The following ADAM12 variants were observed in gnomAD, a reference collection of about 807,000 sequenced individuals.
ADAM12 encodes the protein disintegrin and metalloproteinase domain-containing protein 12.
Under a neutral mutation model 106.4 loss-of-function variants are expected in ADAM12, and 70 were observed. That is an observed-to-expected ratio of 0.66 (90% CI 0.54 to 0.80). The LOEUF (loss-of-function observed/expected upper bound fraction) is 0.80, where lower values mean the gene tolerates loss of function less well. ADAM12 is among the 30% of genes least tolerant of loss of function. The pLI is 0.00. For missense variants in ADAM12, 1,010 were observed against 1,171.9 expected, an observed-to-expected ratio of 0.86 and a Z score of 2.02; for synonymous variants, 420 against 433.5, an observed-to-expected ratio of 0.97 and a Z score of 0.39.
chr10:126,338,966 A>G (rs1854820000), intron 1 of ADAM12, among the ~76,000 whole-genome samples: 1 of 152,214 alleles, frequency 6.6e-6, no homozygotes, highest in South Asian at 2.1e-4. Flanking sequence ...AGCTCCATGT[A>G]AAGGCATTCT....
chr10:126,138,195 C>A lies in ADAM12; in HGVS notation c.340-2535G>T, dbSNP rs905373111. ...ATGTGTTTATTGTCCATTTTTATGT[C>A]TTCTTTGAAGAAATGTCTACTCAAA... On this transcript the variant is annotated intron_variant, in intron 4 of 22. Coordinates refer to ENST00000448723, the MANE Select transcript of ADAM12 (RefSeq NM_001288973.2). Among the ~76,000 whole-genome samples, 3 of 152,180 alleles carry A rather than the reference C, an allele frequency of 2.0e-5. No individual in the cohort carries two copies. The East Asian group carries it at 5.8e-4, about 29-fold the overall frequency.
At chr10:126,259,563 A>T (rs1230172010) in intron 3 of ADAM12, among the ~76,000 whole-genome samples, 1 of 152,240 alleles carries the variant, frequency 6.6e-6, no homozygotes, top group Admixed American at 6.5e-5. Flanking sequence ...AAAATATTTT[A>T]CTATGGGAAA....
At chr10:126,231,321 C>T (rs1410417475) in intron 3 of ADAM12, among the ~76,000 whole-genome samples, 3 of 150,308 alleles carry the variant, frequency 2.0e-5, no homozygotes, top group Middle Eastern at 3.4e-3. Context: ...TTTATAACAA[C>T]GATGTCTTCT....
chr10:126,232,112 G>C (rs1024657471), intron 3 of ADAM12, among the ~76,000 whole-genome samples: 3 of 152,146 alleles, frequency 2.0e-5, no homozygotes, highest in African/African-American at 7.2e-5. Flanking sequence ...TGGAACCTGT[G>C]AATCTGTTAC....
intron 3 of ADAM12, among the ~76,000 whole-genome samples, chr10:126,220,389 C>A (rs1958067858): frequency 1.3e-5 from 2 of 152,154 alleles, no homozygotes; most frequent in African/African-American, 2.4e-5. Context: ...TTAGCCCTCA[C>A]CCTTAATGAG....
At chr10:126,340,239 T>C (rs1854876405) in intron 1 of ADAM12, among the ~76,000 whole-genome samples, 1 of 152,200 alleles carries the variant, frequency 6.6e-6, no homozygotes, top group African/African-American at 2.4e-5. Flanking sequence ...GCCTGAAGAA[T>C]GGATAAATGA....
rs1954570056 is a variant in ADAM12 at position 126,053,973 on chromosome 10, C to T, written c.1610-4304G>A. 6.6e-6 allele frequency among the ~76,000 whole-genome samples: 1 copy of T among 152,138 alleles called. No individual in the cohort carries two copies. The highest frequency in any genetic ancestry group is 2.4e-5 in the African/African-American group (1 of 41,446). Reference sequence around the variant, plus strand: ...TCACCCACCTCAGCCTCCCAAAATGCTGGGATTACAGGCGTGAGCCACCGT... The same window carrying T: ...TCACCCACCTCAGCCTCCCAAAATGTTGGGATTACAGGCGTGAGCCACCGT... On this transcript the variant is annotated intron_variant, in intron 14 of 22. Transcript: ENST00000448723. The surrounding 1 kb of genome is among the most constrained non-coding windows in gnomAD (Gnocchi z 4.6).
At chr10:126,371,595 T>C (rs1856116054) in intron 1 of ADAM12, among the ~76,000 whole-genome samples, 1 of 152,224 alleles carries the variant, frequency 6.6e-6, no homozygotes, top group African/African-American at 2.4e-5. Flanking sequence ...GTGTACTGTT[T>C]AGAGCCACAA....
chr10:126,195,543 C>T (rs887395937), intron 3 of ADAM12, among the ~76,000 whole-genome samples: 2 of 152,088 alleles, frequency 1.3e-5, no homozygotes, highest in African/African-American at 4.8e-5. Flanking sequence ...CATTGCACTC[C>T]AGCCTGGGCA....
intron 21 of ADAM12, among the ~76,000 whole-genome samples, chr10:126,025,151 C>G (rs1037822951): frequency 8.5e-5 from 13 of 152,180 alleles, no homozygotes; most frequent in Non-Finnish European, 1.8e-4. Context: ...TTCTCCAAAT[C>G]ATGGCAACAC....
intron 19 of ADAM12, among the ~76,000 whole-genome samples, chr10:126,038,960 T>C (rs1022737682): frequency 1.5e-5 from 2 of 133,122 alleles, no homozygotes; most frequent in Non-Finnish European, 3.3e-5. Context: ...TTCTTTTTTT[T>C]TTTTTTTTTT....
rs555036610 is a variant in ADAM12 at position 126,250,551 on chromosome 10, C to T, written c.260+28364G>A. On this transcript the variant is annotated intron_variant, in intron 3 of 22. Transcript: ENST00000448723. ...CATCAAGACTCTTACATGTAAACAA[C>T]ATTTTTCTGATTATTTTTTTGTGGC... 9.2e-5 allele frequency among the ~76,000 whole-genome samples: 14 copies of T among 152,308 alleles called. 1 individual carries two copies. The South Asian group carries it at 2.5e-3, about 27-fold the overall frequency.
intron 2 of ADAM12, among the ~76,000 whole-genome samples, chr10:126,317,765 T>A (rs889388128): frequency 2.6e-5 from 4 of 152,182 alleles, no homozygotes; most frequent in Non-Finnish European, 1.5e-5. Context: ...CCATTTTATT[T>A]TATTATTTTT....
intron 3 of ADAM12, among the ~76,000 whole-genome samples, chr10:126,161,864 C>T (rs115732344): frequency 0.02 from 3,008 of 152,228 alleles, 90 homozygotes; most frequent in African/African-American, 0.069. Context: ...GACTATCTTA[C>T]GTCAGCAAAT....
intron 3 of ADAM12, among the ~76,000 whole-genome samples, chr10:126,211,699 T>C (rs1291272927): frequency 1.3e-5 from 2 of 150,368 alleles, no homozygotes; most frequent in Non-Finnish European, 3.0e-5. Context: ...TGCCAATAGT[T>C]ATCTCTGCCT....
intron 3 of ADAM12, among the ~76,000 whole-genome samples, chr10:126,209,074 A>G (rs1957851658): frequency 1.3e-5 from 2 of 152,222 alleles, no homozygotes; most frequent in Admixed American, 1.3e-4. Flanking sequence ...AGCAATGAAA[A>G]TCAGAATTCC....
Position 126,012,472 on chromosome 10 carries a change from G to A in ADAM12, c.*4807C>T, listed in dbSNP as rs764612145. Reference sequence around the variant, plus strand: ...AAATAGCAGTTTGTGTTTACCTGTCGAACCCCAATATGAGAAATGTGTACA... The same window carrying A: ...AAATAGCAGTTTGTGTTTACCTGTCAAACCCCAATATGAGAAATGTGTACA... On this transcript the variant is annotated 3_prime_UTR_variant, in exon 23 of 23. Transcript: ENST00000448723. The A allele has an allele frequency of 2.6e-5, 4 of 152,010 alleles. No individual in the cohort carries two copies. The highest frequency in any genetic ancestry group is 5.9e-5 in the Non-Finnish European group (4 of 68,016). 9.4% of individuals were successfully genotyped at this position (152,010 alleles called of 1,614,324 possible).
intron 21 of ADAM12, among the ~76,000 whole-genome samples, chr10:126,023,677 G>T (rs1953812935): frequency 6.6e-6 from 1 of 152,130 alleles, no homozygotes; most frequent in Non-Finnish European, 1.5e-5. Flanking sequence ...GCATTCTTCT[G>T]GTGCTGGACA....
intron 2 of ADAM12, among the ~76,000 whole-genome samples, chr10:126,316,207 A>T (rs1336076289): frequency 6.6e-6 from 1 of 152,236 alleles, no homozygotes; most frequent in East Asian, 1.9e-4. Flanking sequence ...CTGAAATGAA[A>T]TGGCCAGTTT....
Sources: gnomAD v4.1 joint callset for allele counts (sites outside exome capture counted in the v4.1 genomes callset) on GRCh38, gnomAD v4.1.1 for gene constraint, Gnocchi (gnomAD v3.1) non-coding constraint, MANE v1.5 for transcripts, NCBI Gene and HGNC (gene_info 2026-07-23, HGNC 2026-07-21) for gene names.